Variants in TRIM42 observed in about 807,000 individuals in gnomAD.
The protein encoded by TRIM42 is tripartite motif-containing protein 42.
Under a neutral mutation model 64.9 loss-of-function variants are expected in TRIM42, and 59 were observed. The observed-to-expected ratio is 0.91, with a 90% CI of 0.74 to 1.13. The LOEUF (loss-of-function observed/expected upper bound fraction) is 1.13, where lower values mean the gene tolerates loss of function less well. TRIM42 is among the 50% of genes most tolerant of loss of function. TRIM42 has a pLI of 0.00. For missense variants in TRIM42, 878 were observed against 929.5 expected, an observed-to-expected ratio of 0.94 and a Z score of 0.72; for synonymous variants, 354 against 346.3, an observed-to-expected ratio of 1.02 and a Z score of -0.25.
chr3:140,693,320 C>T lies in TRIM42; in HGVS notation c.2085+2128C>T, dbSNP rs139273567. Reference sequence around the variant, plus strand: ...TAAGAGAAGGAAATGCATTCCAGTCCCTTTCTTTTTAACACAATATCTAAA... The same window carrying T: ...TAAGAGAAGGAAATGCATTCCAGTCTCTTTCTTTTTAACACAATATCTAAA... On this transcript the variant is annotated intron_variant, in intron 4 of 4. Transcript: ENST00000286349. Among the ~76,000 whole-genome samples the T allele has an allele frequency of 8.6e-3, 1,305 of 152,254 alleles. 7 individuals are homozygous for T. Among genetic ancestry groups the T allele is most frequent in the Middle Eastern group, 0.017 (5 of 294 alleles).
chr3:140,678,340 C>CA lies in TRIM42; in HGVS notation c.112dup (p.Thr38AsnfsTer10), dbSNP rs766701219. On this transcript the variant is annotated frameshift_variant, in exon 1 of 5. Transcript: ENST00000286349. LOFTEE classifies it high-confidence loss of function. ...TCATCTTCACCTCAGAGCGGAACTG[C>CA]ACCTGCTTCCCCTGCCCTTACAAAG... The CA allele has an allele frequency of 6.2e-7, 1 of 1,614,226 alleles. No individual in the cohort carries two copies. Among genetic ancestry groups the CA allele is most frequent in the Non-Finnish European group, 8.5e-7 (1 of 1,180,026 alleles).
Position 140,688,047 on chromosome 3 carries a change from C to T in TRIM42, c.1365C>T (p.Asp455=), listed in dbSNP as rs188165530. The T allele has an allele frequency of 1.5e-4, 240 of 1,614,160 alleles. No homozygotes were observed. Among genetic ancestry groups the T allele is most frequent in the Middle Eastern group, 3.3e-4 (2 of 6,062 alleles). ...AGATCCTGGTGGACCAGATCGAGGA[C>T]GGCATCCAGACCACCTACAGGCCTG... ...SAKILVDQIE[D]GIQTTYRPDP... is the part of the protein sequence containing the mutation. Residue 455 remains aspartate, a synonymous_variant, in exon 3 of 5, where the codon GAC becomes GAT. Coordinates refer to ENST00000286349, the MANE Select transcript of TRIM42 (RefSeq NM_152616.5).
chr3:140,680,759 G>A, intron 1 of TRIM42: 2 of 969,236 alleles, frequency 2.1e-6, no homozygotes, highest in Non-Finnish European at 2.5e-6. Context: ...GATCCCTAAG[G>A]GACAAATTTT....
intron 4 of TRIM42, among the ~76,000 whole-genome samples, chr3:140,699,589 TC>T (rs1988947807): frequency 6.6e-6 from 1 of 152,170 alleles, no homozygotes; most frequent in East Asian, 1.9e-4. Flanking sequence ...TCACATACAG[TC>T]TTTATCTTTG....
chr3:140,683,261 C>T, intron 2 of TRIM42, 102 bp downstream of exon 2: 1 of 1,195,980 alleles, frequency 8.4e-7, no homozygotes, highest in Non-Finnish European at 1.2e-6. Context: ...ACAGATTCCA[C>T]CTAGTGGAGC....
intron 4 of TRIM42, among the ~76,000 whole-genome samples, chr3:140,692,534 C>CAT (rs1258385211): frequency 5.7e-5 from 6 of 105,622 alleles, no homozygotes; most frequent in Admixed American, 2.0e-4. Context: ...TACACATACA[C>CAT]ACACACACAC....
At chr3:140,678,849 C>G (rs895500535) in intron 1 of TRIM42, among the ~76,000 whole-genome samples, 1 of 152,176 alleles carries the variant, frequency 6.6e-6, no homozygotes, top group African/African-American at 2.4e-5. Context: ...ATAGCTAATA[C>G]TTAGTGCTTA....
chr3:140,688,281 C>G lies in TRIM42; in HGVS notation c.1599C>G (p.Tyr533Ter). 1 of 1,614,198 alleles carries G rather than the reference C, an allele frequency of 6.2e-7. No individual in the cohort carries two copies. Among genetic ancestry groups the G allele is most frequent in the East Asian group, 2.2e-5 (1 of 44,884 alleles). Reference protein sequence around the residue: ...STHSLGNQHIYQRSSSMLSFS... With the variant: ...STHSLGNQHI ...ACAGCCTCGGCAACCAGCACATATA[C>G]CAGCGAAGCTCCTCCATGTTGTCCT... The change falls in exon 3 of 5, where the codon TAC becomes TAG. Residue 533 changes from tyrosine to a stop codon, truncating the protein, a stop_gained. Transcript: ENST00000286349. LOFTEE classifies it high-confidence loss of function.
At chr3:140,688,956 T>A (rs1988636764) in intron 3 of TRIM42, among the ~76,000 whole-genome samples, 1 of 152,248 alleles carries the variant, frequency 6.6e-6, no homozygotes, top group Non-Finnish European at 1.5e-5. Flanking sequence ...ACCTATCAGC[T>A]GTTTCCGTTA....
intron 2 of TRIM42, 84 bp downstream of exon 2, chr3:140,683,243 G>C (rs1988463052): frequency 1.5e-6 from 2 of 1,378,736 alleles, no homozygotes; most frequent in Non-Finnish European, 2.0e-6. Flanking sequence ...TGTTAAGTGA[G>C]TGCCTTAACA....
chr3:140,683,028 G>T lies in TRIM42; in HGVS notation c.908G>T (p.Arg303Leu). ...TCCAGCCGCATCATCGAGTACTGCC[G>T]CAATGACAACAAATTGCTCTGCACC... The part of the protein sequence containing the change: ...HPSSRIIEYC[R>L]NDNKLLCTFC... The change falls in exon 2 of 5, where the codon CGC (arginine) becomes CTC (leucine). Residue 303 changes from arginine to leucine, a missense_variant. By Grantham distance (102) the Arg-to-Leu change is moderately radical (BLOSUM62 -2). Coordinates refer to ENST00000286349, the MANE Select transcript of TRIM42 (RefSeq NM_152616.5). The T allele has an allele frequency of 1.2e-6, 2 of 1,614,188 alleles. No individual in the cohort carries two copies. The highest frequency in any genetic ancestry group is 2.2e-5 in the East Asian group (1 of 44,884).
At chr3:140,692,779 C>T (rs1421785113) in intron 4 of TRIM42, among the ~76,000 whole-genome samples, 1 of 152,176 alleles carries the variant, frequency 6.6e-6, no homozygotes, top group Non-Finnish European at 1.5e-5. Flanking sequence ...ATGGATTTTT[C>T]CTTCCATCTA....
chr3:140,690,926 A>T (rs754062090), intron 3 of TRIM42, 42 bp from the exon 4 acceptor site: 1 of 1,472,620 alleles, frequency 6.8e-7, no homozygotes, highest in Non-Finnish European at 9.5e-7. Context: ...AAGCTGAATG[A>T]TGTATACTAG....
rs755570446 is a variant in TRIM42 at position 140,682,493 on chromosome 3, G to GAT, written c.375_376dup (p.Thr126IlefsTer7). 1.3e-5 allele frequency: 21 copies of GAT among 1,613,998 alleles called. No homozygotes were observed. The highest frequency in any genetic ancestry group is 1.8e-5 in the Non-Finnish European group (21 of 1,180,020). On this transcript the variant is annotated frameshift_variant, in exon 2 of 5. Coordinates refer to ENST00000286349, the MANE Select transcript of TRIM42 (RefSeq NM_152616.5). LOFTEE classifies it high-confidence loss of function. ...GACTGCCCTGCGCACTGGGAGCAGC[G>GAT]ATACCCAGGTGGATGAAGTAAAGTC...
chr3:140,681,139 G>A (rs1049663454), intron 1 of TRIM42, among the ~76,000 whole-genome samples: 2 of 152,140 alleles, frequency 1.3e-5, no homozygotes, highest in Non-Finnish European at 2.9e-5. Flanking sequence ...TAGCTCTTAC[G>A]ATTAAATATA....
chr3:140,698,961 C>T (rs752896756), intron 4 of TRIM42, among the ~76,000 whole-genome samples: 2 of 152,010 alleles, frequency 1.3e-5, no homozygotes, highest in South Asian at 2.1e-4. Context: ...CTGATATTAA[C>T]GTTTCTCCAT....
intron 1 of TRIM42, 133 bp downstream of exon 1, chr3:140,678,703 A>G (rs1376156930): frequency 1.4e-6 from 1 of 701,680 alleles, no homozygotes. Context: ...GGAGCCAAGA[A>G]TTTTGTAGCA....
chr3:140,686,434 C>A (rs58741993), intron 2 of TRIM42, among the ~76,000 whole-genome samples: 20,226 of 152,052 alleles, frequency 0.13, 1,449 homozygotes, highest in African/African-American at 0.17. Context: ...TGCTGGCATT[C>A]ACCAATGAGT....
In TRIM42 at chr3:140,688,457, A is replaced by G. The variant is rs187668154; in HGVS notation, c.1775A>G (p.Asn592Ser). ...QSVQNSSSFH[N>S]WYSFNDGSVK... ...GTACAGAACAGCAGCAGCTTCCACA[A>G]CTGGTACTCATTCAACGATGGCTCT... The change falls in exon 3 of 5, where the codon AAC (asparagine) becomes AGC (serine). Residue 592 changes from asparagine to serine, a missense_variant. By Grantham distance (46) the Asn-to-Ser change is conservative. Coordinates refer to ENST00000286349, the MANE Select transcript of TRIM42 (RefSeq NM_152616.5). 4 of 1,614,108 alleles carry G rather than the reference A, an allele frequency of 2.5e-6. No individual in the cohort carries two copies. The highest frequency in any genetic ancestry group is 1.7e-5 in the Admixed American group (1 of 60,004).
Sources: gnomAD v4.1 joint callset for allele counts (sites outside exome capture counted in the v4.1 genomes callset) on GRCh38, gnomAD v4.1.1 for gene constraint, MANE v1.5 for transcripts, NCBI Gene and HGNC (gene_info 2026-07-23, HGNC 2026-07-21) for gene names.